Variants in MAGI3 observed in about 807,000 individuals in gnomAD.
The protein encoded by MAGI3 is membrane associated guanylate kinase, WW and PDZ domain containing 3.
A neutral mutation model predicts 121.8 loss-of-function variants in MAGI3; 43 were observed. That is an observed-to-expected ratio of 0.35 (90% CI 0.28 to 0.46). MAGI3 has a LOEUF of 0.46. MAGI3 is among the 20% of genes least tolerant of loss of function. The pLI is 1.00. For missense variants in MAGI3, 1,547 were observed against 1,797.3 expected (o/e 0.86, Z 2.52); for synonymous variants, 553 against 639.3 (o/e 0.86, Z 2.04).
At chr1:113,651,302 G>C in intron 14 of MAGI3, 96 bp downstream of exon 14, 2 of 1,187,716 alleles carry the variant, frequency 1.7e-6, no homozygotes, top group Non-Finnish European at 2.3e-6. Flanking sequence ...ATTACATTCA[G>C]TAGTATCTAA....
At position 113,673,480 on chromosome 1, in the gene MAGI3, G is replaced by C. The variant is rs777903476; in HGVS notation, c.3189+15G>C. ...GCAGAATTCATGTGAGTTGGTTTCT[G>C]TCTGTAACCTTAGGTTCAGGCTCTA... On this transcript the variant is annotated intron_variant, in intron 19 of 20. Transcript: ENST00000307546. 6.2e-6 allele frequency: 10 copies of C among 1,610,990 alleles called. No homozygotes were observed. The South Asian group carries it at 1.1e-4, about 18-fold the overall frequency.
chr1:113,586,016 T>A (rs890001389), intron 4 of MAGI3, among the ~76,000 whole-genome samples: 1 of 152,076 alleles, frequency 6.6e-6, no homozygotes, highest in East Asian at 1.9e-4. Flanking sequence ...ATCTAAAAGG[T>A]TGGTTTATAA....
At chr1:113,677,660 A>C (rs1647962475) in intron 19 of MAGI3, among the ~76,000 whole-genome samples, 1 of 152,246 alleles carries the variant, frequency 6.6e-6, no homozygotes, top group African/African-American at 2.4e-5. Context: ...CCTATAAAAA[A>C]ATAGTGATTT....
At chr1:113,679,524 C>T (rs1047642247) in intron 19 of MAGI3, among the ~76,000 whole-genome samples, 21 of 152,048 alleles carry the variant, frequency 1.4e-4, no homozygotes, top group African/African-American at 4.6e-4. Context: ...CATGTGTTTG[C>T]TTGAAATAGA....
At chr1:113,476,614 C>T (rs12038754) in intron 1 of MAGI3, among the ~76,000 whole-genome samples, 23,192 of 152,116 alleles carry the variant, frequency 0.15, 2,809 homozygotes, top group East Asian at 0.63. Flanking sequence ...TGTTCTTTTA[C>T]ATTTGCTGAG....
intron 8 of MAGI3, among the ~76,000 whole-genome samples, chr1:113,620,931 A>G (rs1271129345): frequency 6.6e-6 from 1 of 152,244 alleles, no homozygotes; most frequent in Non-Finnish European, 1.5e-5. Flanking sequence ...TAAAGTGCCT[A>G]CAATGGTATT....
intron 1 of MAGI3, among the ~76,000 whole-genome samples, chr1:113,456,727 C>G (rs1370281931): frequency 6.6e-6 from 1 of 152,076 alleles, no homozygotes; most frequent in African/African-American, 2.4e-5. Context: ...ATGAAGACTT[C>G]TTCAGTTAAA....
At chr1:113,682,333 T>G in intron 20 of MAGI3, 3 of 1,565,946 alleles carry the variant, frequency 1.9e-6, no homozygotes, top group Non-Finnish European at 2.6e-6. Flanking sequence ...AATCACTTTC[T>G]TCTTTTGTTT....
At chr1:113,572,258 T>C (rs1336579793) in intron 2 of MAGI3, among the ~76,000 whole-genome samples, 1 of 152,214 alleles carries the variant, frequency 6.6e-6, no homozygotes, top group African/African-American at 2.4e-5. Flanking sequence ...TGGATCGTGG[T>C]GGATGAGCTT....
intron 2 of MAGI3, among the ~76,000 whole-genome samples, chr1:113,570,459 A>G (rs557156115): frequency 3.3e-5 from 5 of 152,326 alleles, no homozygotes; most frequent in Admixed American, 6.5e-5. Flanking sequence ...TCCTTGAGGA[A>G]TCGCCACAGT....
At chr1:113,480,879 A>G (rs1656079021) in intron 1 of MAGI3, among the ~76,000 whole-genome samples, 1 of 152,194 alleles carries the variant, frequency 6.6e-6, no homozygotes, top group Admixed American at 6.5e-5. Flanking sequence ...GCCAGTAGGA[A>G]ACCTTTTATC....
chr1:113,635,473 A>G (rs2101810368), intron 9 of MAGI3, among the ~76,000 whole-genome samples: 1 of 152,256 alleles, frequency 6.6e-6, no homozygotes, highest in South Asian at 2.1e-4. Flanking sequence ...TTCTGCATCT[A>G]TTGAGATAAC....
chr1:113,422,449 G>C lies in MAGI3; in HGVS notation c.316+31100G>C, dbSNP rs1652772539. Among the ~76,000 whole-genome samples the C allele has an allele frequency of 6.6e-6, 1 of 152,230 alleles. No individual in the cohort carries two copies. The highest frequency in any genetic ancestry group is 2.1e-4 in the South Asian group (1 of 4,836). Reference sequence around the variant, plus strand: ...GCCTGTCAGGCTGCGTTTGGCTCATGATGCCTGCCCGGATCCCATACCTGC... The same window carrying C: ...GCCTGTCAGGCTGCGTTTGGCTCATCATGCCTGCCCGGATCCCATACCTGC... On this transcript the variant is annotated intron_variant, in intron 1 of 20. Transcript: ENST00000307546. The surrounding 1 kb of genome is among the most constrained non-coding windows in gnomAD (Gnocchi z 4.3).
rs1647292815 is a variant in MAGI3, at chr1:113,571,571, G to A, written c.434-8971G>A. 2.0e-5 allele frequency among the ~76,000 whole-genome samples: 3 copies of A among 152,266 alleles called. No individual in the cohort carries two copies. The South Asian group carries it at 6.2e-4, about 32-fold the overall frequency. On this transcript the variant is annotated intron_variant, in intron 2 of 20. Transcript: ENST00000307546. ...TTTGTGTCCTCTCGTATTTCCTTGA[G>A]CAGTGGTTTGTAGTTCTCCTTGAAG...
intron 1 of MAGI3, among the ~76,000 whole-genome samples, chr1:113,471,711 A>G (rs577724306): frequency 6.6e-6 from 1 of 152,206 alleles, no homozygotes; most frequent in African/African-American, 2.4e-5. Flanking sequence ...CTGGCAATAC[A>G]TTAGGTTTTT....
chr1:113,460,831 C>T (rs1279899931), intron 1 of MAGI3, among the ~76,000 whole-genome samples: 1 of 151,808 alleles, frequency 6.6e-6, no homozygotes, highest in African/African-American at 2.4e-5. Flanking sequence ...AAAAGAAAAC[C>T]CCATAGGCTC....
intron 9 of MAGI3, among the ~76,000 whole-genome samples, chr1:113,623,453 TACACACAC>T (rs796174057): frequency 6.3e-5 from 8 of 126,114 alleles, no homozygotes; most frequent in South Asian, 2.6e-4. Flanking sequence ...TACACACACA[TACACACAC>T]ACACACACAC....
intron 8 of MAGI3, among the ~76,000 whole-genome samples, chr1:113,621,417 G>A (rs1650810604): frequency 6.6e-6 from 1 of 152,194 alleles, no homozygotes; most frequent in Admixed American, 6.5e-5. Flanking sequence ...AGAGCAAGTA[G>A]AGAGTGAAGT....
chr1:113,399,880 C>T (rs781687218), intron 1 of MAGI3, among the ~76,000 whole-genome samples: 1 of 152,056 alleles, frequency 6.6e-6, no homozygotes, highest in Non-Finnish European at 1.5e-5. Context: ...GAATTACTTT[C>T]CAAGGTGTTT....
Sources: gnomAD v4.1 joint callset for allele counts (sites outside exome capture counted in the v4.1 genomes callset) on GRCh38, gnomAD v4.1.1 for gene constraint, Gnocchi (gnomAD v3.1) non-coding constraint, MANE v1.5 for transcripts, NCBI Gene and HGNC (gene_info 2026-07-23, HGNC 2026-07-21) for gene names.